CLIC6: variants seen among roughly 807,000 people sequenced by gnomAD.
CLIC6 encodes CLIC family member 6, also known as chloride intracellular channel protein 6.
A neutral mutation model predicts 49.2 loss-of-function variants in CLIC6; 39 were observed. The observed-to-expected ratio is 0.79, with a 90% CI of 0.61 to 1.04. CLIC6 has a LOEUF of 1.04. CLIC6 is among the 50% of genes least tolerant of loss of function. The probability of loss-of-function intolerance (pLI) is 0.00; values close to 1 mark genes in which losing one functional copy is unlikely to be tolerated. For synonymous variants in CLIC6, 446 were observed against 433.4 expected, an observed-to-expected ratio of 1.03 and a Z score of -0.36; for missense variants, 988 against 993.1, an observed-to-expected ratio of 0.99 and a Z score of 0.07.
At chr21:34,686,228 C>A (rs987760269) in intron 1 of CLIC6, among the ~76,000 whole-genome samples, 3 of 152,210 alleles carry the variant, frequency 2.0e-5, no homozygotes, top group African/African-American at 7.2e-5. Flanking sequence ...ATGGTGAAAC[C>A]CTGTCTCTAC....
intron 1 of CLIC6, among the ~76,000 whole-genome samples, chr21:34,678,157 T>C (rs533917549): frequency 0.016 from 2,368 of 150,888 alleles, 68 homozygotes; most frequent in African/African-American, 0.055. Context: ...TCTGGCTGGG[T>C]GAGGTGGCTC....
In CLIC6 at chr21:34,708,084, A is replaced by G; in HGVS notation, c.1610+15A>G. ...GCTCCCCCGAGGTAGGCCTCAGAAA[A>G]CCAGTGTTCATAACTTGATTGTCAC... On this transcript the variant is annotated intron_variant, in intron 3 of 5. Transcript: ENST00000349499. 1 of 1,613,872 alleles carries G rather than the reference A, an allele frequency of 6.2e-7. No homozygotes were observed. The highest frequency in any genetic ancestry group is 1.1e-5 in the South Asian group (1 of 91,048).
At chr21:34,708,144 G>T in intron 3 of CLIC6, 75 bp downstream of exon 3, 1 of 1,559,686 alleles carries the variant, frequency 6.4e-7, no homozygotes, top group African/African-American at 1.4e-5. Flanking sequence ...AAAGCTCTGG[G>T]CAGTGTGTGT....
At chr21:34,709,261 T>G in intron 4 of CLIC6, 96 bp from the exon 5 acceptor site, 2 of 1,094,708 alleles carry the variant, frequency 1.8e-6, no homozygotes, top group Non-Finnish European at 2.7e-6. Context: ...GCTGGCCACA[T>G]CTCAGCGAGG....
chr21:34,684,085 G>A (rs913612214), intron 1 of CLIC6, among the ~76,000 whole-genome samples: 2 of 146,454 alleles, frequency 1.4e-5, no homozygotes, highest in Non-Finnish European at 3.0e-5. Context: ...AGTAAACGCT[G>A]CTTTTTTTTT....
intron 1 of CLIC6, among the ~76,000 whole-genome samples, chr21:34,702,462 C>T (rs1313101402): frequency 6.6e-6 from 1 of 152,156 alleles, no homozygotes; most frequent in Non-Finnish European, 1.5e-5. Context: ...CAGTAATATC[C>T]CTCAGGCTCT....
intron 1 of CLIC6, among the ~76,000 whole-genome samples, chr21:34,675,130 C>T (rs1422297726): frequency 6.6e-6 from 1 of 151,830 alleles, no homozygotes; most frequent in Non-Finnish European, 1.5e-5. Flanking sequence ...AAAAAACTTG[C>T]ATTTGTATTC....
intron 1 of CLIC6, among the ~76,000 whole-genome samples, chr21:34,705,097 T>A (rs2056005453): frequency 6.6e-6 from 1 of 152,204 alleles, no homozygotes; most frequent in South Asian, 2.1e-4. Flanking sequence ...AGAACTTATT[T>A]TAGACTTTGC....
chr21:34,675,500 AC>A (rs1317986345), intron 1 of CLIC6, among the ~76,000 whole-genome samples: 19 of 151,468 alleles, frequency 1.3e-4, no homozygotes, highest in Middle Eastern at 6.8e-3. Context: ...CATTTCTGAG[AC>A]TTTAATTCTC....
chr21:34,690,386 A>G (rs1232325330), intron 1 of CLIC6, among the ~76,000 whole-genome samples: 1 of 152,202 alleles, frequency 6.6e-6, no homozygotes, highest in Non-Finnish European at 1.5e-5. Context: ...TATTCTCTGT[A>G]GAGAATATAT....
At chr21:34,697,708 G>T (rs999312155) in intron 1 of CLIC6, among the ~76,000 whole-genome samples, 1 of 152,212 alleles carries the variant, frequency 6.6e-6, no homozygotes, top group Non-Finnish European at 1.5e-5. Context: ...GGACAGTCCT[G>T]GGCAAACCAG....
At chr21:34,679,158 A>T (rs1989728486) in intron 1 of CLIC6, among the ~76,000 whole-genome samples, 1 of 152,156 alleles carries the variant, frequency 6.6e-6, no homozygotes, top group Non-Finnish European at 1.5e-5. Context: ...GGTTTAATTG[A>T]CTCACAGTTC....
At chr21:34,693,943 T>G (rs1601276172) in intron 1 of CLIC6, among the ~76,000 whole-genome samples, 1 of 149,728 alleles carries the variant, frequency 6.7e-6, no homozygotes, top group Admixed American at 6.6e-5. Context: ...TCTTATGAGA[T>G]CTGTTGTTGT....
intron 1 of CLIC6, among the ~76,000 whole-genome samples, chr21:34,706,708 A>G (rs2056017045): frequency 6.6e-6 from 1 of 152,148 alleles, no homozygotes; most frequent in Non-Finnish European, 1.5e-5. Flanking sequence ...TTCTCTCAAC[A>G]TTGTGTGTGT....
At chr21:34,696,362 T>C (rs889448096) in intron 1 of CLIC6, among the ~76,000 whole-genome samples, 1 of 152,186 alleles carries the variant, frequency 6.6e-6, no homozygotes, top group Non-Finnish European at 1.5e-5. Context: ...TGTTCTCTTA[T>C]CACCATGGAT....
chr21:34,675,226 C>T (rs1046638192), intron 1 of CLIC6, among the ~76,000 whole-genome samples: 14 of 149,340 alleles, frequency 9.4e-5, no homozygotes, highest in African/African-American at 3.5e-4. Flanking sequence ...TAAGCACTGT[C>T]ACCCAGAAAT....
At chr21:34,715,198 G>T (rs1430551128) in intron 5 of CLIC6, among the ~76,000 whole-genome samples, 2 of 152,162 alleles carry the variant, frequency 1.3e-5, no homozygotes, top group Non-Finnish European at 2.9e-5. Context: ...ATGGCTCTGG[G>T]TCTCCACTTC....
At position 34,670,260 on chromosome 21, in the gene CLIC6, G is replaced by T; in HGVS notation, c.872G>T (p.Arg291Leu). ...GAGGGTCCGGCAGGAAGGGCGCGCC[G>T]GGTCTCGGGTGAGCCGCAGCAATCG... ...DAEGPAGRARRVSGEPQQSGD... is the reference protein window; with the variant it reads ...DAEGPAGRARLVSGEPQQSGD... Residue 291 changes from arginine (R) to leucine (L), a missense_variant, in exon 1 of 6, where the codon CGG (arginine) becomes CTG (leucine). Arg to Leu is a moderately radical substitution (Grantham distance 102). This residue lies in a region of CLIC6 where 647 missense variants were observed against 596.9 expected (regional missense o/e 1.08). Coordinates refer to ENST00000349499, the MANE Select transcript of CLIC6 (RefSeq NM_053277.3). 1 of 1,432,206 alleles carries T rather than the reference G, an allele frequency of 7.0e-7. No homozygotes were observed. The highest frequency in any genetic ancestry group is 2.8e-5 in the Admixed American group (1 of 35,202). 88.7% of individuals were successfully genotyped at this position (1,432,206 alleles called of 1,614,324 possible). A position where few individuals can be genotyped will look rare whatever the true frequency, so the allele number is the denominator to read the frequency against.
At position 34,669,493 on chromosome 21, in the gene CLIC6, C is replaced by G; in HGVS notation, c.105C>G (p.Gly35=). The change falls in exon 1 of 6, where the codon GGC becomes GGG. Residue 35 remains glycine (G), a synonymous_variant. Coordinates refer to ENST00000349499, the MANE Select transcript of CLIC6 (RefSeq NM_053277.3). ...GACCCGGAGAGCCAGGAGCCGCGGG[C>G]GGGGAGGCAGAAGGGCCGGAGGGGA... ...AERPGEPGAA[G]GEAEGPEGSE... 1 of 1,234,974 alleles carries G rather than the reference C, an allele frequency of 8.1e-7. No homozygotes were observed. Among genetic ancestry groups the G allele is most frequent in the Non-Finnish European group, 1.0e-6 (1 of 990,202 alleles). The allele number at this position is 1,234,974 out of a possible 1,614,324, so 76.5% of individuals were successfully genotyped here. A position where few individuals can be genotyped will look rare whatever the true frequency, so the allele number is the denominator to read the frequency against.
Sources: allele counts gnomAD v4.1 joint callset (sites outside exome capture counted in the v4.1 genomes callset), GRCh38; gene constraint gnomAD v4.1.1; regional missense constraint gnomAD v4.1.1; transcripts MANE v1.5; gene names NCBI Gene and HGNC (gene_info 2026-07-23, HGNC 2026-07-21).